ZNF559: variants seen among roughly 807,000 people sequenced by gnomAD.
The protein encoded by ZNF559 is zinc finger protein 559.
Under a neutral mutation model 14.2 loss-of-function variants are expected in ZNF559, and 17 were observed. The observed-to-expected ratio is 1.20, with a 90% CI of 0.82 to 1.80. The LOEUF is 1.80. ZNF559 is among the 40% of genes most tolerant of loss of function. The pLI is 0.00. For missense variants in ZNF559, 740 were observed against 629.7 expected (o/e 1.18, Z -1.88); for synonymous variants, 244 against 212.4 (o/e 1.15, Z -1.29).
chr19:9,342,301 C>G lies in ZNF559; in HGVS notation c.850C>G (p.Leu284Val), dbSNP rs142824019. Residue 284 changes from leucine (L) to valine (V), a missense_variant, in exon 7 of 7, where the codon CTT becomes GTT. Physicochemically the swap from Leu to Val is conservative, Grantham distance 32. Coordinates refer to ENST00000603380, the MANE Select transcript of ZNF559 (RefSeq NM_032497.3). ...CAAAGCCTTTGCTTTTTCCCCAGATCTTGCTAAACATATAAGACTTAGAAC... is the reference window on the plus strand; with the variant it reads ...CAAAGCCTTTGCTTTTTCCCCAGATGTTGCTAAACATATAAGACTTAGAAC... ...FGKAFAFSPD[L>V]AKHIRLRTRG... 1.1e-5 allele frequency: 17 copies of G among 1,590,450 alleles called. No homozygotes were observed. Among genetic ancestry groups the G allele is most frequent in the East Asian group, 4.5e-5 (2 of 44,780 alleles).
upstream of ZNF559, chr19:9,323,988 G>T: frequency 1.7e-6 from 1 of 601,000 alleles, no homozygotes. Context: ...TGTTCAAAAC[G>T]CCAGTAACCT....
chr19:9,341,259 G>A (rs773761699), intron 6 of ZNF559, 75 bp downstream of exon 6: 1 of 1,420,546 alleles, frequency 7.0e-7, no homozygotes, highest in Non-Finnish European at 9.9e-7. Context: ...TGGAAAAGCA[G>A]CACAATAACC....
chr19:9,343,288 C>T lies in ZNF559; in HGVS notation c.*220C>T. ...TCCATAGGCCTTACTATTCATGTGT[C>T]TGTGCATCCTAGGAAACAAACTGAA... On this transcript the variant is annotated 3_prime_UTR_variant, in exon 7 of 7. Transcript: ENST00000603380. 1 of 1,336,610 alleles carries T rather than the reference C, an allele frequency of 7.5e-7. No homozygotes were observed. The highest frequency in any genetic ancestry group is 2.8e-4 in the Middle Eastern group (1 of 3,522). The allele number at this position is 1,336,610 out of a possible 1,614,324, so 82.8% of individuals were successfully genotyped here.
Position 9,341,997 on chromosome 19 carries a change from G to T in ZNF559, c.546G>T (p.Glu182Asp). The T allele has an allele frequency of 6.2e-7, 1 of 1,612,400 alleles. No individual in the cohort carries two copies. Among genetic ancestry groups the T allele is most frequent in the South Asian group, 1.1e-5 (1 of 90,550 alleles). ...HLVCKKTHTQEKPYKCSDCEK... is the reference protein window; with the variant it reads ...HLVCKKTHTQDKPYKCSDCEK... ...TTTGCAAGAAAACTCACACTCAAGA[G>T]AAACCATATAAATGCAGTGACTGTG... The change falls in exon 7 of 7, where the codon GAG (glutamate) becomes GAT (aspartate). Residue 182 changes from glutamate (E) to aspartate (D), a missense_variant. By Grantham distance (45) the Glu-to-Asp change is conservative. Transcript: ENST00000603380.
intron 2 of ZNF559, among the ~76,000 whole-genome samples, chr19:9,325,534 T>C (rs992954110): frequency 2.6e-5 from 4 of 152,106 alleles, no homozygotes; most frequent in African/African-American, 9.7e-5. Context: ...GGCTCACGCC[T>C]GTAATCCCAG....
chr19:9,333,509 C>T (rs913909925), intron 2 of ZNF559, among the ~76,000 whole-genome samples: 1 of 152,120 alleles, frequency 6.6e-6, no homozygotes, highest in Non-Finnish European at 1.5e-5. Context: ...AGCAACATAG[C>T]AAGACCCCAT....
chr19:9,337,927 C>T (rs2067329871), intron 3 of ZNF559, 69 bp downstream of exon 3: 1 of 1,535,604 alleles, frequency 6.5e-7, no homozygotes, highest in Admixed American at 2.0e-5. Context: ...TAAGTTCAGA[C>T]AGTGTCTCGA....
chr19:9,337,282 G>A (rs1445811566), intron 2 of ZNF559, among the ~76,000 whole-genome samples: 1 of 152,206 alleles, frequency 6.6e-6, no homozygotes, highest in Admixed American at 6.5e-5. Flanking sequence ...CATATTGTTA[G>A]CATACACAAT....
In ZNF559 at chr19:9,344,583, A is replaced by G. The variant is rs967261905; in HGVS notation, c.*1515A>G. 1 of 152,084 alleles carries G rather than the reference A, an allele frequency of 6.6e-6. No homozygotes were observed. The highest frequency in any genetic ancestry group is 1.5e-5 in the Non-Finnish European group (1 of 68,042). 9.4% of individuals were successfully genotyped at this position (152,084 alleles called of 1,614,324 possible). A position where few individuals can be genotyped will look rare whatever the true frequency, so the allele number is the denominator to read the frequency against. On this transcript the variant is annotated 3_prime_UTR_variant, in exon 7 of 7. Transcript: ENST00000603380. The stretch of plus-strand genomic sequence containing the variant: ...TGCTTGAGCCTGGTCAGGGAGGCAG[A>G]GGTTGCAGTGAGCCCTGATCGTGCC...
At chr19:9,340,334 A>G (rs1176735214) in intron 5 of ZNF559, among the ~76,000 whole-genome samples, 4 of 152,048 alleles carry the variant, frequency 2.6e-5, no homozygotes, top group South Asian at 2.1e-4. Context: ...ATCAAGGCCA[A>G]TTGGTTTCCA....
intron 5 of ZNF559, among the ~76,000 whole-genome samples, chr19:9,340,733 A>ATTTTTTTTTTTTTTTTTTTT (rs201367378): frequency 8.0e-6 from 1 of 124,654 alleles, no homozygotes; most frequent in Non-Finnish European, 1.6e-5. Context: ...TGCCTGGCTA[A>ATTTTTTTTTTTTTTTTTTTT]TTTTTTTTTT....
At chr19:9,324,133 A>C, upstream of ZNF559, 4 of 1,532,660 alleles carry the variant, frequency 2.6e-6, no homozygotes, top group Non-Finnish European at 2.6e-6. Context: ...CCCGCCCCCT[A>C]GGTGGTCCTA....
chr19:9,338,852 A>G (rs958317251), intron 4 of ZNF559, among the ~76,000 whole-genome samples: 6 of 152,218 alleles, frequency 3.9e-5, no homozygotes, highest in African/African-American at 9.6e-5. Context: ...GAGAATGCAC[A>G]TGTGCTTCTC....
At position 9,341,083 on chromosome 19, in the gene ZNF559, T is replaced by C; in HGVS notation, c.161-19T>C. The C allele has an allele frequency of 6.3e-7, 1 of 1,580,330 alleles. No homozygotes were observed. Among genetic ancestry groups the C allele is most frequent in the Non-Finnish European group, 8.6e-7 (1 of 1,167,814 alleles). On this transcript the variant is annotated intron_variant, in intron 5 of 6. Coordinates refer to ENST00000603380, the MANE Select transcript of ZNF559 (RefSeq NM_032497.3). Reference sequence around the variant, plus strand: ...CATTATTTCTCTAAGAACTTAAAATTTTTTTCATCTTATTTCAGATTGGGA... The same window carrying C: ...CATTATTTCTCTAAGAACTTAAAATCTTTTTCATCTTATTTCAGATTGGGA...
At position 9,345,433 on chromosome 19, in the gene ZNF559, C is replaced by T. The variant is rs541511987; in HGVS notation, c.*2365C>T. 6.6e-6 allele frequency: 1 copy of T among 152,248 alleles called. No homozygotes were observed. The highest frequency in any genetic ancestry group is 2.1e-4 in the South Asian group (1 of 4,826). The allele number at this position is 152,248 out of a possible 1,614,324, so 9.4% of individuals were successfully genotyped here. On this transcript the variant is annotated 3_prime_UTR_variant, in exon 7 of 7. Transcript: ENST00000603380. ...TTCCATGAGCAGTATATAAGAGTTG[C>T]AATTCTTCTGCATCCTTGCCAATTA...
intron 5 of ZNF559, 57 bp downstream of exon 5, chr19:9,339,376 G>GT: frequency 6.5e-7 from 1 of 1,546,374 alleles, no homozygotes; most frequent in Non-Finnish European, 8.7e-7. Context: ...TGTGTCTTAA[G>GT]TAACTATGTT....
At position 9,342,223 on chromosome 19, in the gene ZNF559, C is replaced by G. The variant is rs1180138866; in HGVS notation, c.772C>G (p.Gln258Glu). ...KPFTESSYLT[Q>E]HLRTHSRVLP... Reference sequence around the variant, plus strand: ...CTTCACTGAGTCGTCATATCTTACTCAACATTTAAGAACTCATAGTAGAGT... The same window carrying G: ...CTTCACTGAGTCGTCATATCTTACTGAACATTTAAGAACTCATAGTAGAGT... Residue 258 changes from glutamine (Q) to glutamate (E), a missense_variant, in exon 7 of 7, where the codon CAA becomes GAA. Transcript: ENST00000603380. The G allele has an allele frequency of 1.9e-6, 3 of 1,589,928 alleles. No homozygotes were observed. The South Asian group carries it at 3.5e-5, about 18-fold the overall frequency.
intron 2 of ZNF559, 150 bp from the exon 3 acceptor site, chr19:9,337,646 T>C (rs2067313944): frequency 2.8e-6 from 1 of 357,086 alleles, no homozygotes; most frequent in South Asian, 3.7e-5. Context: ...ACTAATATGA[T>C]AGTAACAAAA....
At chr19:9,324,351 A>G in intron 1 of ZNF559, 123 bp downstream of exon 1, 1 of 1,516,042 alleles carries the variant, frequency 6.6e-7, no homozygotes. Flanking sequence ...GGGCATTTCG[A>G]GCATCTTGTG....
Sources: allele counts gnomAD v4.1 joint callset (sites outside exome capture counted in the v4.1 genomes callset), GRCh38; gene constraint gnomAD v4.1.1; transcripts MANE v1.5; gene names NCBI Gene and HGNC (gene_info 2026-07-23, HGNC 2026-07-21).